The following DOK5 variants were observed in gnomAD, a reference collection of about 807,000 sequenced individuals.
DOK5 encodes the protein docking protein 5.
A neutral mutation model predicts 43.3 loss-of-function variants in DOK5; 27 were observed. That is an observed-to-expected ratio of 0.62 (90% confidence interval 0.46 to 0.86). The LOEUF is 0.86. DOK5 is among the 40% of genes least tolerant of loss of function. The pLI is 0.00. For synonymous variants in DOK5, 146 were observed against 140.1 expected, an observed-to-expected ratio of 1.04 and a Z score of -0.30; for missense variants, 373 against 392.9, an observed-to-expected ratio of 0.95 and a Z score of 0.43.
intron 6 of DOK5, among the ~76,000 whole-genome samples, chr20:54,634,086 G>A (rs1978697790): frequency 6.6e-6 from 1 of 152,212 alleles, no homozygotes; most frequent in South Asian, 2.1e-4. Flanking sequence ...GAGGAACTGG[G>A]AAACCAGAAA....
At chr20:54,610,646 A>G (rs1210946114) in intron 6 of DOK5, 123 bp downstream of exon 6, 1 of 1,127,842 alleles carries the variant, frequency 8.9e-7, no homozygotes, top group Non-Finnish European at 1.2e-6. Flanking sequence ...TCTTCTCAAC[A>G]GTGTATCACT....
chr20:54,533,801 T>C (rs1480842591), intron 1 of DOK5, among the ~76,000 whole-genome samples: 2 of 152,230 alleles, frequency 1.3e-5, no homozygotes, highest in South Asian at 2.1e-4. Context: ...TTTTGTTTAT[T>C]ATTTGCTTGA....
At position 54,644,997 on chromosome 20, in the gene DOK5, C is replaced by CTTT. The variant is rs869031533; in HGVS notation, c.856+1445_856+1447dup. ...TGTGGGGGATACTTGTAAAAAAACT[C>CTTT]TTTTTTTTTTTTTTTTTTTTTTTTT... On this transcript the variant is annotated intron_variant, in intron 7 of 7. Transcript: ENST00000262593. Among the ~76,000 whole-genome samples, 36 of 82,416 alleles carry CTTT rather than the reference C, an allele frequency of 4.4e-4. 2 individuals are homozygous for CTTT. Among genetic ancestry groups the CTTT allele is most frequent in the African/African-American group, 1.1e-3 (23 of 21,682 alleles). The allele number at this position is 82,416 out of a possible 152,430, so 54.1% of individuals were successfully genotyped here.
chr20:54,503,126 TG>T lies in DOK5; in HGVS notation c.66+27117del, dbSNP rs558162362. Among the ~76,000 whole-genome samples, 570 of 152,288 alleles carry T rather than the reference TG, an allele frequency of 3.7e-3. 2 individuals are homozygous for T. Among genetic ancestry groups the T allele is most frequent in the African/African-American group, 0.013 (537 of 41,570 alleles). On this transcript the variant is annotated intron_variant, in intron 1 of 7. Coordinates refer to ENST00000262593, the MANE Select transcript of DOK5 (RefSeq NM_018431.5). ...ATGCATTTAGTTGTAAGTCAGTGACTGGGTCTGGTGCAGGGGTAGGAAATAG... is the reference window on the plus strand; with the variant it reads ...ATGCATTTAGTTGTAAGTCAGTGACTGGTCTGGTGCAGGGGTAGGAAATAG...
chr20:54,500,856 C>T (rs1189866848), intron 1 of DOK5, among the ~76,000 whole-genome samples: 1 of 152,024 alleles, frequency 6.6e-6, no homozygotes, highest in Admixed American at 6.6e-5. Context: ...CCAACCGCAC[C>T]CGGCCGTGTA....
chr20:54,486,726 C>T (rs1156684553), intron 1 of DOK5, among the ~76,000 whole-genome samples: 1 of 152,122 alleles, frequency 6.6e-6, no homozygotes, highest in Non-Finnish European at 1.5e-5. Context: ...CTGATCTTTA[C>T]CTTACTTATA....
At chr20:54,481,755 A>G (rs1981728765) in intron 1 of DOK5, among the ~76,000 whole-genome samples, 1 of 152,228 alleles carries the variant, frequency 6.6e-6, no homozygotes, top group Admixed American at 6.5e-5. Flanking sequence ...AGGCTCTGAC[A>G]TGTGACTGCG....
chr20:54,540,662 G>A (rs1439456721), intron 1 of DOK5, among the ~76,000 whole-genome samples: 2 of 151,942 alleles, frequency 1.3e-5, no homozygotes, highest in Non-Finnish European at 2.9e-5. Context: ...GACCACAGGG[G>A]TGCACCACCA....
chr20:54,524,322 G>A (rs982276164), intron 1 of DOK5, among the ~76,000 whole-genome samples: 1 of 152,140 alleles, frequency 6.6e-6, no homozygotes, highest in Admixed American at 6.5e-5. Flanking sequence ...AATCAGCGTG[G>A]TTCACTTGAC....
At chr20:54,556,307 A>G (rs1680724518) in intron 2 of DOK5, among the ~76,000 whole-genome samples, 2 of 152,162 alleles carry the variant, frequency 1.3e-5, no homozygotes, top group Non-Finnish European at 1.5e-5. Flanking sequence ...TTCCTCTATC[A>G]TTTATCTGTC....
intron 1 of DOK5, among the ~76,000 whole-genome samples, chr20:54,518,411 G>A (rs1983277028): frequency 6.6e-6 from 1 of 152,016 alleles, no homozygotes. Flanking sequence ...TGCTGAGAAT[G>A]ATGGTTTCCA....
At chr20:54,516,163 C>T (rs1212480412) in intron 1 of DOK5, among the ~76,000 whole-genome samples, 1 of 152,148 alleles carries the variant, frequency 6.6e-6, no homozygotes, top group African/African-American at 2.4e-5. Flanking sequence ...AGAAGTGTAT[C>T]TGGTTATATA....
intron 1 of DOK5, among the ~76,000 whole-genome samples, chr20:54,515,532 T>A (rs148966415): frequency 1.9e-3 from 283 of 152,342 alleles, no homozygotes; most frequent in Middle Eastern, 6.8e-3. Context: ...GACGTAGATA[T>A]CTCTGGGAGG....
At chr20:54,509,464 G>T (rs139845439) in intron 1 of DOK5, among the ~76,000 whole-genome samples, 4 of 152,218 alleles carry the variant, frequency 2.6e-5, no homozygotes, top group Non-Finnish European at 5.9e-5. Flanking sequence ...AAAATGCTGG[G>T]ATTATAGATC....
chr20:54,502,685 C>T (rs914946196), intron 1 of DOK5, among the ~76,000 whole-genome samples: 8 of 152,076 alleles, frequency 5.3e-5, no homozygotes, highest in African/African-American at 1.9e-4. Context: ...AGTATATATG[C>T]GCTATCCATT....
chr20:54,624,785 C>T (rs1987085933), intron 6 of DOK5, among the ~76,000 whole-genome samples: 1 of 152,134 alleles, frequency 6.6e-6, no homozygotes, highest in African/African-American at 2.4e-5. Context: ...TTTCATTCCC[C>T]ATGAAAATAA....
chr20:54,479,886 C>G (rs1981597995), intron 1 of DOK5, among the ~76,000 whole-genome samples: 1 of 152,004 alleles, frequency 6.6e-6, no homozygotes, highest in African/African-American at 2.4e-5. Context: ...CACTCTTCTC[C>G]CCTCATCTCC....
At chr20:54,485,652 T>C (rs1318675527) in intron 1 of DOK5, among the ~76,000 whole-genome samples, 1 of 152,224 alleles carries the variant, frequency 6.6e-6, no homozygotes, top group East Asian at 1.9e-4. Flanking sequence ...GAACATACGT[T>C]TTCGTGCCTC....
At position 54,591,808 on chromosome 20, in the gene DOK5, G is replaced by C; in HGVS notation, c.599+3G>C. ...TGGTTCACTTTTGAGGCAGGGAGGT[G>C]AGTTTAATGACTTTTAATGACTATT... On this transcript the variant is annotated splice_donor_region_variant and intron_variant, in intron 5 of 7. Coordinates refer to ENST00000262593, the MANE Select transcript of DOK5 (RefSeq NM_018431.5). 6.2e-7 allele frequency: 1 copy of C among 1,609,590 alleles called. No individual in the cohort carries two copies.
Sources: allele counts gnomAD v4.1 joint callset (sites outside exome capture counted in the v4.1 genomes callset), GRCh38; gene constraint gnomAD v4.1.1; transcripts MANE v1.5; gene names NCBI Gene and HGNC (gene_info 2026-07-23, HGNC 2026-07-21).